The following CRTC3 variants were observed in gnomAD, a reference collection of about 807,000 sequenced individuals.
The protein encoded by CRTC3 is CREB regulated transcription coactivator 3, also known as CREB-regulated transcription coactivator 3.
Under a neutral mutation model 74.5 loss-of-function variants are expected in CRTC3, and 26 were observed. The observed-to-expected ratio is 0.35, with a 90% CI of 0.26 to 0.48. CRTC3 has a LOEUF of 0.48. Among genes scored for constraint, CRTC3 ranks in the 20% least tolerant of loss-of-function variants. CRTC3 has a pLI of 0.99. For synonymous variants in CRTC3, 377 were observed against 325.8 expected (o/e 1.16, Z -1.69); for missense variants, 760 against 787.3 (o/e 0.97, Z 0.41).
At chr15:90,531,844 C>G (rs772913633) in intron 1 of CRTC3, among the ~76,000 whole-genome samples, 25 of 152,060 alleles carry the variant, frequency 1.6e-4, no homozygotes, top group Non-Finnish European at 2.8e-4. Context: ...AATCTTTCAC[C>G]CAATTCATGA....
chr15:90,561,268 C>A (rs1567166322), intron 2 of CRTC3, among the ~76,000 whole-genome samples: 1 of 152,174 alleles, frequency 6.6e-6, no homozygotes, highest in Admixed American at 6.5e-5. Context: ...AATTTGACTT[C>A]AATAGATTGT....
intron 2 of CRTC3, among the ~76,000 whole-genome samples, chr15:90,589,256 C>T (rs768237699): frequency 2.6e-5 from 4 of 152,048 alleles, no homozygotes; most frequent in East Asian, 1.9e-4. Flanking sequence ...GGGGTTTCAC[C>T]GTGTTGACCA....
intron 1 of CRTC3, among the ~76,000 whole-genome samples, chr15:90,537,230 GATA>G (rs1966733858): frequency 1.1e-5 from 1 of 89,982 alleles, no homozygotes; most frequent in Non-Finnish European, 2.7e-5. Context: ...CAGCAATAAT[GATA>G]ATATCTTAAG....
intron 14 of CRTC3, 109 bp downstream of exon 14, chr15:90,641,308 C>T (rs555053821): frequency 1.3e-5 from 10 of 784,070 alleles, no homozygotes; most frequent in Non-Finnish European, 1.9e-5. Flanking sequence ...AAAAAGTTAA[C>T]GTTCCCTGGG....
chr15:90,637,092 A>G (rs144641822), intron 11 of CRTC3, among the ~76,000 whole-genome samples: 3,343 of 152,296 alleles, frequency 0.022, 122 homozygotes, highest in African/African-American at 0.075. Context: ...CTGCTATAAA[A>G]ACACATGCAC....
chr15:90,634,696 C>T (rs905012283), intron 11 of CRTC3: 8 of 656,272 alleles, frequency 1.2e-5, no homozygotes, highest in South Asian at 3.3e-5. Flanking sequence ...TACACTAGAG[C>T]GGAGTATGAG....
At chr15:90,566,713 T>A (rs1408644619) in intron 2 of CRTC3, among the ~76,000 whole-genome samples, 1 of 15,782 alleles carries the variant, frequency 6.3e-5, no homozygotes, top group Non-Finnish European at 3.0e-4. Flanking sequence ...TCCTCCTTTC[T>A]TTTTTTTTTT....
At chr15:90,532,377 T>C (rs551904157) in intron 1 of CRTC3, among the ~76,000 whole-genome samples, 2 of 152,338 alleles carry the variant, frequency 1.3e-5, no homozygotes, top group East Asian at 1.9e-4. Context: ...AAGATCCCAG[T>C]TGGAGGAGTA....
At position 90,644,418 on chromosome 15, in the gene CRTC3, G is replaced by A. The variant is rs1437032676; in HGVS notation, c.*2278G>A. On this transcript the variant is annotated 3_prime_UTR_variant, in exon 15 of 15. Transcript: ENST00000268184. ...TCTTCACATAGTGCCTTACCCATGG[G>A]TATCGTCATATCCGGGTCCCAGTTC... is the stretch of plus-strand genomic sequence containing the variant. 1 of 231,016 alleles carries A rather than the reference G, an allele frequency of 4.3e-6. No homozygotes were observed. Among genetic ancestry groups the A allele is most frequent in the Non-Finnish European group, 8.6e-6 (1 of 116,704 alleles). The allele number at this position is 231,016 out of a possible 1,614,324, so 14.3% of individuals were successfully genotyped here. A position where few individuals can be genotyped will look rare whatever the true frequency, so the allele number is the denominator to read the frequency against.
chr15:90,591,607 A>G (rs1967803182), intron 2 of CRTC3, among the ~76,000 whole-genome samples: 1 of 152,232 alleles, frequency 6.6e-6, no homozygotes, highest in Admixed American at 6.5e-5. Flanking sequence ...ACTTGAGGTC[A>G]GGAGTTCAAG....
chr15:90,574,200 C>T (rs567566145), intron 2 of CRTC3, among the ~76,000 whole-genome samples: 2 of 152,082 alleles, frequency 1.3e-5, no homozygotes, highest in Middle Eastern at 3.4e-3. Flanking sequence ...ACTTATTGGC[C>T]GGGCGTGGTG....
chr15:90,602,469 GAAATTTCTAATAT>G (rs1647834173), intron 4 of CRTC3, 84 bp downstream of exon 4: 5 of 798,892 alleles, frequency 6.3e-6, no homozygotes, highest in Non-Finnish European at 1.1e-5. Context: ...ATGTTGTTTA[GAAATTTCTAATAT>G]AAAGCATAGA....
rs190864294 is a variant in CRTC3 at position 90,559,770 on chromosome 15, G to A, written c.231+19633G>A. Reference sequence around the variant, plus strand: ...CCCCCAAGTAGCTGGCACCACCGGCGCATGCCACCACACTCGGCTAATTTT... The same window carrying A: ...CCCCCAAGTAGCTGGCACCACCGGCACATGCCACCACACTCGGCTAATTTT... On this transcript the variant is annotated intron_variant, in intron 2 of 14. Coordinates refer to ENST00000268184, the MANE Select transcript of CRTC3 (RefSeq NM_022769.5). Among the ~76,000 whole-genome samples the A allele has an allele frequency of 9.1e-4, 138 of 152,242 alleles. 2 individuals carry two copies. The East Asian group carries it at 0.019, about 21-fold the overall frequency.
intron 7 of CRTC3, among the ~76,000 whole-genome samples, chr15:90,617,521 T>A (rs1226251614): frequency 6.6e-6 from 1 of 152,142 alleles, no homozygotes. Context: ...GGATGCTTTC[T>A]CTTTTTGTTG....
chr15:90,623,335 G>A (rs541950967), intron 9 of CRTC3, among the ~76,000 whole-genome samples: 81 of 152,256 alleles, frequency 5.3e-4, no homozygotes, highest in African/African-American at 1.8e-3. Flanking sequence ...CCTCCTGTAC[G>A]TAACTGAGAG....
At chr15:90,597,797 T>C (rs1483158527) in intron 3 of CRTC3, 1 of 152,204 alleles carries the variant, frequency 6.6e-6, no homozygotes, top group Non-Finnish European at 1.5e-5. Flanking sequence ...CAATACCACA[T>C]GCAACCTGTT....
chr15:90,642,883 C>T lies in CRTC3; in HGVS notation c.*743C>T, dbSNP rs1416673035. On this transcript the variant is annotated 3_prime_UTR_variant, in exon 15 of 15. Transcript: ENST00000268184. The stretch of plus-strand genomic sequence containing the variant: ...TGATGAGCCTGAAGAGAACTGTGCT[C>T]CTCCTCGGGGGCTGGGGAAGGAAGA... 8.6e-6 allele frequency: 2 copies of T among 233,022 alleles called. No homozygotes were observed. The highest frequency in any genetic ancestry group is 1.7e-5 in the Non-Finnish European group (2 of 117,932). 14.4% of individuals were successfully genotyped at this position (233,022 alleles called of 1,614,324 possible).
At chr15:90,551,072 C>A (rs190330764) in intron 2 of CRTC3, among the ~76,000 whole-genome samples, 2 of 152,226 alleles carry the variant, frequency 1.3e-5, no homozygotes, top group East Asian at 3.9e-4. Flanking sequence ...TTCATGCCAT[C>A]TGGACAGTGT....
At chr15:90,625,125 A>ATAAC (rs1371911088) in intron 9 of CRTC3, 1 of 153,106 alleles carries the variant, frequency 6.5e-6, no homozygotes, top group Admixed American at 6.5e-5. Flanking sequence ...CATTTGATTT[A>ATAAC]TAACTTTTAA....
Sources: allele counts gnomAD v4.1 joint callset (sites outside exome capture counted in the v4.1 genomes callset), GRCh38; gene constraint gnomAD v4.1.1; transcripts MANE v1.5; gene names NCBI Gene and HGNC (gene_info 2026-07-23, HGNC 2026-07-21).